Variants in SEL1L observed in about 807,000 individuals in gnomAD.
SEL1L encodes the protein SEL1L adaptor subunit of SYVN1 ubiquitin ligase, also known as protein sel-1 homolog 1.
Under a neutral mutation model 109.8 loss-of-function variants are expected in SEL1L, and 52 were observed. That is an observed-to-expected ratio of 0.47 (90% CI 0.38 to 0.60). SEL1L has a LOEUF of 0.60. Ranked by LOEUF, SEL1L falls within the 20% of genes least tolerant of loss-of-function variation. The pLI is 0.00. For missense variants in SEL1L, 749 were observed against 962.2 expected (o/e 0.78, Z 2.93); for synonymous variants, 373 against 339.6 (o/e 1.10, Z -1.08).
chr14:81,495,096 T>C lies in SEL1L; in HGVS notation c.1170A>G (p.Val390=), dbSNP rs1304913841. 1 of 1,613,984 alleles carries C rather than the reference T, an allele frequency of 6.2e-7. No homozygotes were observed. ...GQLHLHGGRG[V]EQNHQRAFDY... is the part of the protein sequence containing the mutation. The stretch of plus-strand genomic sequence containing the variant: ...GGGTAGTTACCTGATGATTCTGTTC[T>C]ACTCCACGCCCTCCGTGCAGGTGCA... Residue 390 remains valine (V), a synonymous_variant, in exon 11 of 21, where the codon GTA becomes GTG. Transcript: ENST00000336735.
At chr14:81,486,974 T>C (rs923817602) in intron 16 of SEL1L, among the ~76,000 whole-genome samples, 18 of 151,344 alleles carry the variant, frequency 1.2e-4, no homozygotes, top group Admixed American at 6.6e-4. Flanking sequence ...TTCTTTCTTT[T>C]TTTTTTTTTT....
At chr14:81,485,451 GTT>G (rs370288974) in intron 18 of SEL1L, among the ~76,000 whole-genome samples, 140 of 138,820 alleles carry the variant, frequency 1.0e-3, no homozygotes, top group African/African-American at 3.5e-3. Flanking sequence ...AATTTTTTTT[GTT>G]TTTTTTTTTT....
At chr14:81,494,981 G>T in intron 11 of SEL1L, 100 bp downstream of exon 11, 1 of 1,158,744 alleles carries the variant, frequency 8.6e-7, no homozygotes, top group Non-Finnish European at 1.2e-6. Context: ...GTGTTTAAAT[G>T]ACAGAAGTTT....
chr14:81,498,325 C>T (rs1883860315), intron 9 of SEL1L, 88 bp downstream of exon 9: 2 of 1,135,446 alleles, frequency 1.8e-6, no homozygotes, highest in African/African-American at 1.6e-5. Context: ...ATTTATAATA[C>T]TTCAAATAGA....
At chr14:81,491,806 T>C (rs1373803266) in intron 12 of SEL1L, among the ~76,000 whole-genome samples, 4 of 152,238 alleles carry the variant, frequency 2.6e-5, no homozygotes, top group African/African-American at 9.6e-5. Flanking sequence ...AGGTGGGTCA[T>C]GGCTATCACA....
intron 12 of SEL1L, among the ~76,000 whole-genome samples, chr14:81,491,918 C>G (rs575058995): frequency 1.5e-3 from 227 of 151,854 alleles, no homozygotes; most frequent in Admixed American, 5.3e-3. Context: ...TAGCAAAAAA[C>G]CGCACAGCAT....
Position 81,472,380 on chromosome 14 carries a change from A to C in SEL1L, c.*4592T>G, listed in dbSNP as rs957928784. 4.2e-6 allele frequency: 1 copy of C among 240,402 alleles called. No homozygotes were observed. Among genetic ancestry groups the C allele is most frequent in the Non-Finnish European group, 8.3e-6 (1 of 120,542 alleles). The allele number at this position is 240,402 out of a possible 1,614,324, so 14.9% of individuals were successfully genotyped here. A position where few individuals can be genotyped will look rare whatever the true frequency, so the allele number is the denominator to read the frequency against. On this transcript the variant is annotated 3_prime_UTR_variant, in exon 21 of 21. Coordinates refer to ENST00000336735, the MANE Select transcript of SEL1L (RefSeq NM_005065.6). ...TTTTATCCAAGATCCAATGCTTCTG[A>C]GCTGGAACATTTTACCTCAGTTACC...
intron 1 of SEL1L, among the ~76,000 whole-genome samples, chr14:81,528,374 A>G (rs909469457): frequency 2.0e-4 from 31 of 152,214 alleles, no homozygotes; most frequent in African/African-American, 7.0e-4. Context: ...TAAGAAATCA[A>G]TAACTTACAT....
intron 12 of SEL1L, 86 bp downstream of exon 12, chr14:81,492,394 G>T: frequency 1.0e-6 from 1 of 974,664 alleles, no homozygotes; most frequent in Non-Finnish European, 1.6e-6. Context: ...TTTATTTTTG[G>T]TAAATTGTAG....
intron 13 of SEL1L, among the ~76,000 whole-genome samples, chr14:81,489,980 C>A (rs1461741426): frequency 6.6e-6 from 1 of 152,128 alleles, no homozygotes; most frequent in Non-Finnish European, 1.5e-5. Context: ...TGAAGACATA[C>A]AAGATTTCAG....
intron 18 of SEL1L, 142 bp from the exon 19 acceptor site, chr14:81,484,539 C>T (rs1320007638): frequency 4.0e-6 from 3 of 754,624 alleles, no homozygotes; most frequent in Non-Finnish European, 6.1e-6. Flanking sequence ...CAAATCCTTT[C>T]AGCCAAGTTA....
intron 1 of SEL1L, among the ~76,000 whole-genome samples, chr14:81,529,455 C>T (rs1023605467): frequency 8.5e-5 from 13 of 152,196 alleles, no homozygotes; most frequent in African/African-American, 3.1e-4. Flanking sequence ...TACATTGCTA[C>T]ATTTAGTACC....
intron 6 of SEL1L, among the ~76,000 whole-genome samples, chr14:81,502,271 G>A (rs1316302267): frequency 6.6e-6 from 1 of 151,976 alleles, no homozygotes. Flanking sequence ...ATATTTGGGT[G>A]GTACATATGT....
intron 18 of SEL1L, among the ~76,000 whole-genome samples, chr14:81,484,893 T>C (rs1249165647): frequency 3.9e-5 from 6 of 152,254 alleles, no homozygotes; most frequent in African/African-American, 1.4e-4. Context: ...CTCCCTTCTT[T>C]CACAAACACT....
At chr14:81,490,060 T>C (rs907815251) in intron 13 of SEL1L, among the ~76,000 whole-genome samples, 2 of 152,192 alleles carry the variant, frequency 1.3e-5, no homozygotes, top group African/African-American at 4.8e-5. Context: ...AAGTACCCTA[T>C]TATGTAAGCT....
rs1903281319 is a variant in SEL1L at position 81,479,614 on chromosome 14, T to C, written c.2173A>G (p.Asn725Asp). ...VYFLQYIRET[N>D]IRDMFTQLDM... ...GAAAAGAGGTACGGACCACTTACGT[T>C]TGTTTCCCGTATGTACTGCAAGAAA... The change falls in exon 20 of 21, where the codon AAC becomes GAC. Residue 725 changes from asparagine to aspartate, a missense_variant and splice_region_variant. Physicochemically the swap from Asn to Asp is conservative, Grantham distance 23. Transcript: ENST00000336735. The C allele has an allele frequency of 6.2e-7, 1 of 1,605,954 alleles. No individual in the cohort carries two copies. The highest frequency in any genetic ancestry group is 1.3e-5 in the African/African-American group (1 of 74,350).
At chr14:81,509,228 A>G (rs919968616) in intron 3 of SEL1L, among the ~76,000 whole-genome samples, 1 of 152,226 alleles carries the variant, frequency 6.6e-6, no homozygotes, top group African/African-American at 2.4e-5. Context: ...TCTTAATTTC[A>G]GTTAATTTTC....
At chr14:81,514,714 G>A (rs952932059) in intron 3 of SEL1L, among the ~76,000 whole-genome samples, 10 of 152,088 alleles carry the variant, frequency 6.6e-5, no homozygotes, top group African/African-American at 1.7e-4. Context: ...AACCGCGGGC[G>A]GTTCTGTCTT....
At chr14:81,478,132 C>T (rs1903227423) in intron 20 of SEL1L, among the ~76,000 whole-genome samples, 1 of 151,616 alleles carries the variant, frequency 6.6e-6, no homozygotes, top group South Asian at 2.1e-4. Flanking sequence ...TTATACTTAC[C>T]CATTAAGAAA....
Sources: gnomAD v4.1 joint callset for allele counts (sites outside exome capture counted in the v4.1 genomes callset) on GRCh38, gnomAD v4.1.1 for gene constraint, MANE v1.5 for transcripts, NCBI Gene and HGNC (gene_info 2026-07-23, HGNC 2026-07-21) for gene names.